STK3: variants seen among roughly 807,000 people sequenced by gnomAD.
STK3 encodes serine/threonine kinase 3.
A neutral mutation model predicts 58.0 loss-of-function variants in STK3; 41 were observed. The ratio of observed to expected loss-of-function variants is 0.71; its 90% CI spans 0.55 to 0.92. The LOEUF (loss-of-function observed/expected upper bound fraction) is 0.92, where lower values mean the gene tolerates loss of function less well. Ranked by LOEUF, STK3 falls within the 40% of genes least tolerant of loss-of-function variation. The pLI, the probability that STK3 is intolerant of heterozygous loss-of-function variation, is 0.00. For missense variants in STK3, 479 were observed against 602.7 expected (o/e 0.79, Z 2.15); for synonymous variants, 170 against 191.0 (o/e 0.89, Z 0.91).
intron 9 of STK3, among the ~76,000 whole-genome samples, chr8:98,533,557 C>T (rs1042388326): frequency 6.6e-5 from 10 of 152,202 alleles, no homozygotes; most frequent in Admixed American, 3.9e-4. Flanking sequence ...GCATGATCTC[C>T]GCCCACTGAA....
chr8:98,532,190 T>C (rs1264153460), intron 9 of STK3, among the ~76,000 whole-genome samples: 1 of 152,228 alleles, frequency 6.6e-6, no homozygotes, highest in African/African-American at 2.4e-5. Flanking sequence ...TAATCATTTC[T>C]AGCTTTTGAT....
chr8:98,392,724 T>G (rs543987541), upstream of STK3, among the ~76,000 whole-genome samples: 1 of 152,284 alleles, frequency 6.6e-6, no homozygotes, highest in South Asian at 2.1e-4. Context: ...CAATATGACT[T>G]GGAATTAGGA....
chr8:98,738,782 C>T (rs570537828), intron 4 of STK3, among the ~76,000 whole-genome samples: 9 of 152,344 alleles, frequency 5.9e-5, no homozygotes, highest in South Asian at 2.1e-4. Flanking sequence ...CTAAGCAGGG[C>T]GAGGCATTGC....
intron 1 of STK3, among the ~76,000 whole-genome samples, chr8:98,783,601 G>A (rs1832261005): frequency 6.6e-6 from 1 of 152,142 alleles, no homozygotes; most frequent in Non-Finnish European, 1.5e-5. Context: ...CTTAAAATAA[G>A]ACAACAATGA....
At chr8:98,456,064 T>G (rs1819468192) in intron 10 of STK3, 64 bp from the exon 11 acceptor site, 1 of 1,455,988 alleles carries the variant, frequency 6.9e-7, no homozygotes, top group East Asian at 2.4e-5. Flanking sequence ...ATCAATACAA[T>G]GAAATTAGAC....
rs981147102 is a variant in STK3 at position 98,598,419 on chromosome 8, C to T, written c.685-2250G>A. 4 of 980,682 alleles carry T rather than the reference C, an allele frequency of 4.1e-6. No homozygotes were observed. In the Admixed American group the frequency reaches 1.9e-4, roughly 46 times the overall value. 60.7% of individuals were successfully genotyped at this position (980,682 alleles called of 1,614,324 possible). On this transcript the variant is annotated intron_variant, in intron 6 of 10. Transcript: ENST00000419617. Reference sequence around the variant, plus strand: ...AAGCATGAACACCGAGCATACAGTCCAAACAAATAAGTCTTAGCGTATGAT... The same window carrying T: ...AAGCATGAACACCGAGCATACAGTCTAAACAAATAAGTCTTAGCGTATGAT...
Position 98,591,668 on chromosome 8 carries a change from C to T in STK3, c.822+4364G>A, listed in dbSNP as rs142206808. ...TGAGTACAAATGAAATTGGACATAC[C>T]GAGATTTTGAGATTAAGAATGTTAA... On this transcript the variant is annotated intron_variant, in intron 7 of 10. Coordinates refer to ENST00000419617, the MANE Select transcript of STK3 (RefSeq NM_006281.4). Among the ~76,000 whole-genome samples the T allele has an allele frequency of 9.2e-3, 1,403 of 151,836 alleles. 17 individuals are homozygous for T. Among genetic ancestry groups the T allele is most frequent in the African/African-American group, 0.032 (1,323 of 41,424 alleles).
intron 6 of STK3, among the ~76,000 whole-genome samples, chr8:98,629,546 C>T (rs1819018067): frequency 6.6e-6 from 1 of 152,082 alleles, no homozygotes; most frequent in Non-Finnish European, 1.5e-5. Context: ...AACCAAGATT[C>T]CCCTTTGTGG....
At chr8:98,785,353 T>G (rs894972030) in intron 1 of STK3, among the ~76,000 whole-genome samples, 2 of 152,142 alleles carry the variant, frequency 1.3e-5, no homozygotes, top group African/African-American at 4.8e-5. Context: ...GCACCTACTC[T>G]TCAGGATTAG....
At chr8:98,854,233 G>T (rs999204495) in intron 3 of STK3, among the ~76,000 whole-genome samples, 1 of 152,018 alleles carries the variant, frequency 6.6e-6, no homozygotes, top group Non-Finnish European at 1.5e-5. Context: ...CTGCCTCCCG[G>T]GTTCAAGTGA....
chr8:98,507,608 T>C (rs886115376), intron 10 of STK3, among the ~76,000 whole-genome samples: 3 of 152,178 alleles, frequency 2.0e-5, no homozygotes, highest in African/African-American at 7.2e-5. Flanking sequence ...AATGCCCAAA[T>C]CTTTACAATA....
At chr8:98,805,155 C>G (rs545382030) in intron 1 of STK3, among the ~76,000 whole-genome samples, 29 of 152,288 alleles carry the variant, frequency 1.9e-4, no homozygotes, top group Admixed American at 9.2e-4. Flanking sequence ...ACATGCAAGA[C>G]AAAACTCATA....
chr8:98,561,290 G>A (rs1812011658), intron 8 of STK3, among the ~76,000 whole-genome samples: 2 of 150,380 alleles, frequency 1.3e-5, no homozygotes, highest in South Asian at 2.1e-4. Context: ...TAGAACAACC[G>A]GATATCCATA....
chr8:98,640,997 A>G (rs1002666999), intron 6 of STK3, among the ~76,000 whole-genome samples: 1 of 151,168 alleles, frequency 6.6e-6, no homozygotes, highest in African/African-American at 2.4e-5. Flanking sequence ...ATGTATTTAT[A>G]TAGTATAAAA....
intron 1 of STK3, among the ~76,000 whole-genome samples, chr8:98,788,827 C>T (rs1478614169): frequency 6.6e-6 from 1 of 152,176 alleles, no homozygotes; most frequent in African/African-American, 2.4e-5. Flanking sequence ...GACATCAACA[C>T]TCCACTGACA....
intron 4 of STK3, among the ~76,000 whole-genome samples, chr8:98,741,521 G>A (rs1413947297): frequency 1.3e-5 from 2 of 152,176 alleles, no homozygotes; most frequent in Non-Finnish European, 2.9e-5. Flanking sequence ...AACGAAGGCA[G>A]AAATAAAGAT....
At chr8:98,355,811 T>A in the STK3 span, among the ~76,000 whole-genome samples, 1 of 152,194 alleles carries the variant, frequency 6.6e-6, no homozygotes, top group Non-Finnish European at 1.5e-5. Context: ...GCTCTCTGCT[T>A]TCTGGATGGG....
the STK3 span, among the ~76,000 whole-genome samples, chr8:98,347,247 G>C: frequency 6.6e-6 from 1 of 151,898 alleles, no homozygotes; most frequent in African/African-American, 2.4e-5. Context: ...GGGCACGGTG[G>C]CTCACGCTTG....
chr8:98,823,898 A>G (rs1215441122), intron 1 of STK3, among the ~76,000 whole-genome samples: 1 of 152,180 alleles, frequency 6.6e-6, no homozygotes, highest in East Asian at 1.9e-4. Context: ...GATGACCTCA[A>G]AACGAGTAGC....
Sources: gnomAD v4.1 joint callset for allele counts (sites outside exome capture counted in the v4.1 genomes callset) on GRCh38, gnomAD v4.1.1 for gene constraint, MANE v1.5 for transcripts, NCBI Gene and HGNC (gene_info 2026-07-23, HGNC 2026-07-21) for gene names.